Variants in SH2D4A observed in about 807,000 individuals in gnomAD.
The protein encoded by SH2D4A is SH2 domain-containing protein 4A.
In SH2D4A, 70 loss-of-function variants were observed where a neutral mutation model predicts 64.7. That is an observed-to-expected ratio of 1.08 (90% CI 0.89 to 1.32). The LOEUF (loss-of-function observed/expected upper bound fraction) is 1.32, where lower values mean the gene tolerates loss of function less well. Among genes scored for constraint, SH2D4A ranks in the 40% most tolerant of loss-of-function variants. The pLI, the probability that SH2D4A is intolerant of heterozygous loss-of-function variation, is 0.00. For synonymous variants in SH2D4A, 268 were observed against 200.7 expected, an observed-to-expected ratio of 1.34 and a Z score of -2.83; for missense variants, 706 against 540.1, an observed-to-expected ratio of 1.31 and a Z score of -3.04.
intron 4 of SH2D4A, among the ~76,000 whole-genome samples, chr8:19,347,232 GTCC>G (rs1387114108): frequency 6.6e-6 from 1 of 152,194 alleles, no homozygotes; most frequent in Non-Finnish European, 1.5e-5. Context: ...GGATTTCTCT[GTCC>G]TCCTGCCAGG....
chr8:19,339,793 G>T (rs2052498722), intron 4 of SH2D4A, among the ~76,000 whole-genome samples: 1 of 152,106 alleles, frequency 6.6e-6, no homozygotes, highest in Non-Finnish European at 1.5e-5. Context: ...AAGCCACTGT[G>T]CCCAGCCCCT....
At chr8:19,378,295 A>G (rs2053229676) in intron 8 of SH2D4A, among the ~76,000 whole-genome samples, 1 of 152,044 alleles carries the variant, frequency 6.6e-6, no homozygotes, top group Admixed American at 6.6e-5. Context: ...AAATTTAGCT[A>G]TTTTTCCTTT....
chr8:19,362,334 G>C (rs1341698862), intron 6 of SH2D4A, among the ~76,000 whole-genome samples: 3 of 152,224 alleles, frequency 2.0e-5, no homozygotes, highest in Non-Finnish European at 4.4e-5. Context: ...TGTAAATATA[G>C]TCAATAAAAA....
chr8:19,319,111 G>A (rs1483042155), intron 1 of SH2D4A, among the ~76,000 whole-genome samples: 1 of 151,102 alleles, frequency 6.6e-6, no homozygotes, highest in East Asian at 1.9e-4. Context: ...AGATTGACCT[G>A]TATAAAGTTA....
chr8:19,393,190 A>G (rs1309647405), intron 8 of SH2D4A, 128 bp from the exon 9 acceptor site: 2 of 788,118 alleles, frequency 2.5e-6, no homozygotes, highest in Non-Finnish European at 4.2e-6. Context: ...CCCAAAACAG[A>G]CTTAAAATTG....
chr8:19,393,610 C>CAATT (rs1172446485), intron 9 of SH2D4A, 69 bp downstream of exon 9: 2 of 1,457,846 alleles, frequency 1.4e-6, no homozygotes, highest in Non-Finnish European at 1.9e-6. Flanking sequence ...CAATGAATGA[C>CAATT]AATTACAAAG....
chr8:19,378,674 G>A (rs2053236606), intron 8 of SH2D4A, among the ~76,000 whole-genome samples: 1 of 152,058 alleles, frequency 6.6e-6, no homozygotes, highest in Non-Finnish European at 1.5e-5. Context: ...GACCTCAGGT[G>A]ATCCACCCTA....
chr8:19,324,404 A>C (rs147816835), intron 2 of SH2D4A, among the ~76,000 whole-genome samples: 1 of 152,056 alleles, frequency 6.6e-6, no homozygotes, highest in Non-Finnish European at 1.5e-5. Context: ...CTTTCCCTCT[A>C]TTTTTGTGAA....
At chr8:19,319,265 CT>C (rs144442740) in intron 1 of SH2D4A, 78 bp from the exon 2 acceptor site, 10,933 of 919,684 alleles carry the variant, frequency 0.012, no homozygotes, top group East Asian at 0.02. Flanking sequence ...TTCCTCCTAG[CT>C]TTTTTTTTTA....
intron 8 of SH2D4A, among the ~76,000 whole-genome samples, chr8:19,389,242 T>C (rs534648577): frequency 6.6e-6 from 1 of 152,304 alleles, no homozygotes; most frequent in African/African-American, 2.4e-5. Context: ...GTGTTTGAGT[T>C]ACTTCTGGGC....
intron 4 of SH2D4A, among the ~76,000 whole-genome samples, chr8:19,346,861 G>T (rs2052621612): frequency 6.6e-6 from 1 of 152,106 alleles, no homozygotes; most frequent in Non-Finnish European, 1.5e-5. Context: ...ACATCCTCTG[G>T]CAAGTATGTA....
chr8:19,362,949 G>C (rs144602358), intron 6 of SH2D4A, among the ~76,000 whole-genome samples: 39 of 152,230 alleles, frequency 2.6e-4, no homozygotes, highest in African/African-American at 8.4e-4. Context: ...CTCACTCACT[G>C]ACTCATCCCA....
At chr8:19,319,869 T>G in intron 2 of SH2D4A, 141 bp downstream of exon 2, 2 of 755,636 alleles carry the variant, frequency 2.6e-6, no homozygotes, top group South Asian at 4.7e-5. Context: ...GAGAATCTAA[T>G]AGTGCAGTAT....
intron 2 of SH2D4A, among the ~76,000 whole-genome samples, chr8:19,331,625 C>A (rs1005283753): frequency 6.6e-6 from 1 of 152,188 alleles, no homozygotes; most frequent in African/African-American, 2.4e-5. Flanking sequence ...ATATTATCTT[C>A]TCACAGGCTG....
chr8:19,328,308 A>G (rs997604286), intron 2 of SH2D4A, among the ~76,000 whole-genome samples: 2 of 151,960 alleles, frequency 1.3e-5, no homozygotes, highest in African/African-American at 2.4e-5. Context: ...AAGTCCTCAT[A>G]TGGATTTCTA....
chr8:19,370,950 T>C (rs984336076), intron 7 of SH2D4A, among the ~76,000 whole-genome samples: 1 of 152,106 alleles, frequency 6.6e-6, no homozygotes, highest in Non-Finnish European at 1.5e-5. Context: ...TAACAAGTTA[T>C]TTTAGAGACT....
intron 1 of SH2D4A, among the ~76,000 whole-genome samples, chr8:19,316,484 G>C (rs2052090655): frequency 1.3e-5 from 2 of 152,156 alleles, no homozygotes; most frequent in South Asian, 4.1e-4. Flanking sequence ...CTAAGTGTCT[G>C]GTGAATACGT....
At chr8:19,348,553 G>T (rs1327769332) in intron 4 of SH2D4A, among the ~76,000 whole-genome samples, 1 of 152,100 alleles carries the variant, frequency 6.6e-6, no homozygotes, top group Non-Finnish European at 1.5e-5. Flanking sequence ...ACTCCGGAAC[G>T]ATCAGTTCTG....
chr8:19,325,161 A>G (rs55700029), intron 2 of SH2D4A, among the ~76,000 whole-genome samples: 1 of 151,642 alleles, frequency 6.6e-6, no homozygotes, highest in South Asian at 2.1e-4. Flanking sequence ...CAAAACCAGA[A>G]CTCCAGGAGC....
Sources: allele counts gnomAD v4.1 joint callset (sites outside exome capture counted in the v4.1 genomes callset), GRCh38; gene constraint gnomAD v4.1.1; transcripts MANE v1.5; gene names NCBI Gene and HGNC (gene_info 2026-07-23, HGNC 2026-07-21).